KIFC2: variants seen among roughly 807,000 people sequenced by gnomAD.
KIFC2 encodes the protein kinesin-like protein KIFC2.
Under a neutral mutation model 91.5 loss-of-function variants are expected in KIFC2, and 94 were observed. The ratio of observed to expected loss-of-function variants is 1.03; its 90% confidence interval spans 0.87 to 1.22. The LOEUF (loss-of-function observed/expected upper bound fraction) is 1.22, where lower values mean the gene tolerates loss of function less well. KIFC2 is among the 50% of genes most tolerant of loss of function. The pLI, the probability that KIFC2 is intolerant of heterozygous loss-of-function variation, is 0.00. For missense variants in KIFC2, 1,357 were observed against 1,103.3 expected (o/e 1.23, Z -3.26); for synonymous variants, 729 against 503.9 (o/e 1.45, Z -5.98).
chr8:144,473,675 C>G lies in KIFC2; in HGVS notation c.*286C>G. 1 of 488,454 alleles carries G rather than the reference C, an allele frequency of 2.0e-6. No homozygotes were observed. Among genetic ancestry groups the G allele is most frequent in the Non-Finnish European group, 3.5e-6 (1 of 285,812 alleles). 30.3% of individuals were successfully genotyped at this position (488,454 alleles called of 1,614,324 possible). A position where few individuals can be genotyped will look rare whatever the true frequency, so the allele number is the denominator to read the frequency against. ...CGGCACACAGCAGGGAATCCCAGGC[C>G]CCCCCGCCAAGTGGTTACCCAAGTC... On this transcript the variant is annotated 3_prime_UTR_variant, in exon 18 of 18. Coordinates refer to ENST00000645548, the MANE Select transcript of KIFC2 (RefSeq NM_001369769.2).
chr8:144,472,133 C>T lies in KIFC2; in HGVS notation c.1486-5C>T, dbSNP rs746030295. The T allele has an allele frequency of 1.9e-6, 3 of 1,613,248 alleles. No homozygotes were observed. Among genetic ancestry groups the T allele is most frequent in the Admixed American group, 1.7e-5 (1 of 60,028 alleles). Reference sequence around the variant, plus strand: ...AGCCCGGTGTGCACCCCACCCCATCCTCAGGGCCCTCCTGAGGACCCCGGC... The same window carrying T: ...AGCCCGGTGTGCACCCCACCCCATCTTCAGGGCCCTCCTGAGGACCCCGGC... On this transcript the variant is annotated splice_polypyrimidine_tract_variant and splice_region_variant and intron_variant, in intron 13 of 17. Coordinates refer to ENST00000645548, the MANE Select transcript of KIFC2 (RefSeq NM_001369769.2).
At position 144,468,007 on chromosome 8, in the gene KIFC2, C is replaced by T. The variant is rs1824755890; in HGVS notation, c.810+20C>T. The T allele has an allele frequency of 2.6e-6, 4 of 1,521,492 alleles. No homozygotes were observed. The African/African-American group carries it at 4.2e-5, about 16-fold the overall frequency. The allele number at this position is 1,521,492 out of a possible 1,614,324, so 94.2% of individuals were successfully genotyped here. On this transcript the variant is annotated intron_variant, in intron 7 of 17. Transcript: ENST00000645548. ...CCGCAGGTACTCTGCTCCCGAGCTGCAGCCGTTCCTGCAGCCTGGGGCTCT... is the reference window on the plus strand; with the variant it reads ...CCGCAGGTACTCTGCTCCCGAGCTGTAGCCGTTCCTGCAGCCTGGGGCTCT...
rs771696200 is a variant in KIFC2 at position 144,467,033 on chromosome 8, C to G, written c.253C>G (p.Leu85Val). The change falls in exon 3 of 18, where the codon CTA becomes GTA. Residue 85 changes from leucine to valine, a missense_variant. By Grantham distance (32) the Leu-to-Val change is conservative (BLOSUM62 1). Coordinates refer to ENST00000645548, the MANE Select transcript of KIFC2 (RefSeq NM_001369769.2). ...RAAAVSLEEA[L>V]LRLAEFLSVQ... ...GGCCGCGGTGTCCCTGGAAGAGGCC[C>G]TACTGCGCCTCGCCGAGTTCCTCTC... 3 of 1,594,530 alleles carry G rather than the reference C, an allele frequency of 1.9e-6. No homozygotes were observed. The highest frequency in any genetic ancestry group is 2.6e-6 in the Non-Finnish European group (3 of 1,172,408).
At position 144,473,703 on chromosome 8, in the gene KIFC2, C is replaced by T. The variant is rs910030118; in HGVS notation, c.*314C>T. The T allele has an allele frequency of 1.3e-5, 6 of 478,698 alleles. No homozygotes were observed. Among genetic ancestry groups the T allele is most frequent in the Admixed American group, 3.9e-5 (1 of 25,572 alleles). The allele number at this position is 478,698 out of a possible 1,614,324, so 29.7% of individuals were successfully genotyped here. A position where few individuals can be genotyped will look rare whatever the true frequency, so the allele number is the denominator to read the frequency against. On this transcript the variant is annotated 3_prime_UTR_variant, in exon 18 of 18. Transcript: ENST00000645548. ...CCCGCCAAGTGGTTACCCAAGTCACCACTCCTGACCCAAAAATCAGGCATG... is the reference window on the plus strand; with the variant it reads ...CCCGCCAAGTGGTTACCCAAGTCACTACTCCTGACCCAAAAATCAGGCATG...
chr8:144,470,290 C>T (rs1824876185), intron 12 of KIFC2, among the ~76,000 whole-genome samples: 1 of 152,250 alleles, frequency 6.6e-6, no homozygotes, highest in East Asian at 1.9e-4. Flanking sequence ...ACCACTTCTT[C>T]CTTCATCCCA....
Position 144,472,122 on chromosome 8 carries a change from C to T in KIFC2, c.1486-16C>T, listed in dbSNP as rs1407515038. On this transcript the variant is annotated splice_polypyrimidine_tract_variant and intron_variant, in intron 13 of 17. Transcript: ENST00000645548. ...ACTTGGATGTGAGCCCGGTGTGCACCCCACCCCATCCTCAGGGCCCTCCTG... is the reference window on the plus strand; with the variant it reads ...ACTTGGATGTGAGCCCGGTGTGCACTCCACCCCATCCTCAGGGCCCTCCTG... 2 of 1,613,052 alleles carry T rather than the reference C, an allele frequency of 1.2e-6. No individual in the cohort carries two copies. The highest frequency in any genetic ancestry group is 1.3e-5 in the African/African-American group (1 of 75,050).
chr8:144,469,027 C>T (rs554545638), intron 10 of KIFC2, among the ~76,000 whole-genome samples, 193 bp downstream of exon 10: 1 of 152,186 alleles, frequency 6.6e-6, no homozygotes, highest in Non-Finnish European at 1.5e-5. Flanking sequence ...TGACAGTAAA[C>T]TCTTAAAGCA....
At chr8:144,466,324 G>A, upstream of KIFC2, 1 of 333,926 alleles carries the variant, frequency 3.0e-6, no homozygotes, top group Non-Finnish European at 4.8e-6. Context: ...CGGCCGTCGC[G>A]AGCATGCGCA....
At chr8:144,466,860 C>G in intron 2 of KIFC2, 22 bp downstream of exon 2, 1 of 1,536,722 alleles carries the variant, frequency 6.5e-7, no homozygotes. Flanking sequence ...CTGGGAGTCC[C>G]GCGGTGCGAG....
intron 12 of KIFC2, among the ~76,000 whole-genome samples, 195 bp from the exon 13 acceptor site, chr8:144,471,747 C>T (rs774823292): frequency 6.6e-6 from 1 of 152,170 alleles, no homozygotes; most frequent in Non-Finnish European, 1.5e-5. Flanking sequence ...CTGGCAAATT[C>T]TTGCAAGCAC....
rs765009721 is a variant in KIFC2, at chr8:144,469,386, C to T, written c.1222+7C>T. On this transcript the variant is annotated splice_region_variant and intron_variant, in intron 11 of 17. Coordinates refer to ENST00000645548, the MANE Select transcript of KIFC2 (RefSeq NM_001369769.2). ...CGGCTGCCAGAACTCAAGGGTATGA[C>T]AGGCTTGGGAGCCTAGCGGGGCAGG... 17 of 1,611,434 alleles carry T rather than the reference C, an allele frequency of 1.1e-5. No individual in the cohort carries two copies. The highest frequency in any genetic ancestry group is 1.7e-5 in the Admixed American group (1 of 59,712).
In KIFC2 at chr8:144,467,005, C is replaced by A. The variant is rs1486685949; in HGVS notation, c.225C>A (p.Arg75=). The change falls in exon 3 of 18, where the codon CGC becomes CGA. Residue 75 remains arginine, a synonymous_variant. Coordinates refer to ENST00000645548, the MANE Select transcript of KIFC2 (RefSeq NM_001369769.2). ...GGTCGGAAGGCGCAGCCGAGGGCCG[C>A]GCGGCCGCGGTGTCCCTGGAAGAGG... The part of the protein sequence containing the change: ...EDGSEGAAEG[R]AAAVSLEEAL... The A allele has an allele frequency of 6.3e-7, 1 of 1,595,074 alleles. No individual in the cohort carries two copies. Among genetic ancestry groups the A allele is most frequent in the Non-Finnish European group, 8.5e-7 (1 of 1,174,888 alleles).
chr8:144,468,856 G>GCC lies in KIFC2; in HGVS notation c.1113+25_1113+26dup, dbSNP rs773561331. On this transcript the variant is annotated intron_variant, in intron 10 of 17. Transcript: ENST00000645548. ...CCAGGTCAGGACCCCTCCCCGCCTA[G>GCC]CCCCTCCTCTCTGGGCAGCCTATTC... 6 of 1,588,876 alleles carry GCC rather than the reference G, an allele frequency of 3.8e-6. No individual in the cohort carries two copies. In the Admixed American group the frequency reaches 1.0e-4, roughly 27 times the overall value.
chr8:144,472,957 C>A lies in KIFC2; in HGVS notation c.2024C>A (p.Ala675Asp), dbSNP rs772776196. ...GGAGGCGTGATGGCCGCACTGCGGG[C>A]CCACCGGCCGCACGTGCCCTTCCGC... is the stretch of plus-strand genomic sequence containing the variant. ...ALGGVMAALRAHRPHVPFRDS... is the reference protein window; with the variant it reads ...ALGGVMAALRDHRPHVPFRDS... Residue 675 changes from alanine to aspartate, a missense_variant, in exon 17 of 18, where the codon GCC (alanine) becomes GAC (aspartate). Ala to Asp is a moderately radical substitution (Grantham distance 126). Coordinates refer to ENST00000645548, the MANE Select transcript of KIFC2 (RefSeq NM_001369769.2). 1 of 1,467,678 alleles carries A rather than the reference C, an allele frequency of 6.8e-7. No individual in the cohort carries two copies. The highest frequency in any genetic ancestry group is 1.3e-5 in the South Asian group (1 of 75,284). 90.9% of individuals were successfully genotyped at this position (1,467,678 alleles called of 1,614,324 possible). A position where few individuals can be genotyped will look rare whatever the true frequency, so the allele number is the denominator to read the frequency against.
intron 16 of KIFC2, 40 bp from the exon 17 acceptor site, chr8:144,472,755 G>A: frequency 6.3e-7 from 1 of 1,591,700 alleles, no homozygotes; most frequent in East Asian, 2.2e-5. Context: ...AGCACCCGAG[G>A]CCCGGCCTTC....
Position 144,468,581 on chromosome 8 carries a change from C to T in KIFC2, c.934C>T (p.Gln312Ter), listed in dbSNP as rs754906340. 3 of 1,609,380 alleles carry T rather than the reference C, an allele frequency of 1.9e-6. No individual in the cohort carries two copies. Among genetic ancestry groups the T allele is most frequent in the Non-Finnish European group, 2.5e-6 (3 of 1,177,956 alleles). Residue 312 changes from glutamine (Q) to a stop codon, truncating the protein, a stop_gained, in exon 9 of 18, where the codon CAG becomes TAG. Transcript: ENST00000645548. LOFTEE classifies it high-confidence loss of function. Reference protein sequence around the residue: ...VQLQGLQGALQQLQQETEQNC... With the variant: ...VQLQGLQGAL ...GCTGCAGGGCCTTCAAGGGGCCCTCCAGCAGCTCCAGCAGGAGACGGAGCA... is the reference window on the plus strand; with the variant it reads ...GCTGCAGGGCCTTCAAGGGGCCCTCTAGCAGCTCCAGCAGGAGACGGAGCA...
At chr8:144,466,579 G>T (rs1227149995) in intron 1 of KIFC2, 61 bp downstream of exon 1, 3 of 988,596 alleles carry the variant, frequency 3.0e-6, no homozygotes, top group South Asian at 8.6e-5. Flanking sequence ...CCCACGCCGA[G>T]GTTCCCGGGG....
chr8:144,472,082 C>T, intron 13 of KIFC2, 36 bp downstream of exon 13: 1 of 1,613,216 alleles, frequency 6.2e-7, no homozygotes, highest in South Asian at 1.1e-5. Context: ...GGAGAGGCCC[C>T]AGGGGCCCTG....
intron 11 of KIFC2, 53 bp downstream of exon 11, chr8:144,469,432 C>T (rs895903715): frequency 3.7e-6 from 6 of 1,612,438 alleles, no homozygotes; most frequent in Non-Finnish European, 5.1e-6. Flanking sequence ...GGAAGAAGTG[C>T]AGCTTCTCTG....
Sources: gnomAD v4.1 joint callset for allele counts (sites outside exome capture counted in the v4.1 genomes callset) on GRCh38, gnomAD v4.1.1 for gene constraint, MANE v1.5 for transcripts, NCBI Gene and HGNC (gene_info 2026-07-23, HGNC 2026-07-21) for gene names.